MFSD11: variants seen among roughly 807,000 people sequenced by gnomAD.
MFSD11 encodes the protein UNC93-like protein MFSD11.
A neutral mutation model predicts 53.5 loss-of-function variants in MFSD11; 36 were observed. The ratio of observed to expected loss-of-function variants is 0.67; its 90% CI spans 0.52 to 0.89. The LOEUF is 0.89. MFSD11 is among the 40% of genes least tolerant of loss of function. MFSD11 has a pLI of 0.00. For synonymous variants in MFSD11, 186 were observed against 184.9 expected (o/e 1.01, Z -0.05); for missense variants, 530 against 543.9 (o/e 0.97, Z 0.25).
chr17:76,770,809 C>A (rs1034512495), intron 10 of MFSD11, among the ~76,000 whole-genome samples: 4 of 152,152 alleles, frequency 2.6e-5, no homozygotes, highest in African/African-American at 9.7e-5. Context: ...GAAAGGGTCC[C>A]TAAGTGCAGG....
At chr17:76,767,762 T>G (rs1464034854) in intron 9 of MFSD11, among the ~76,000 whole-genome samples, 2 of 152,084 alleles carry the variant, frequency 1.3e-5, no homozygotes, top group Non-Finnish European at 2.9e-5. Flanking sequence ...GACTGATGGC[T>G]CCAAAAAAGG....
the MFSD11 span, among the ~76,000 whole-genome samples, chr17:76,803,561 T>C: frequency 6.6e-6 from 1 of 152,132 alleles, no homozygotes; most frequent in Admixed American, 6.6e-5. Flanking sequence ...ACTCGATGGA[T>C]CATCTGGCAC....
chr17:76,744,139 C>T (rs1401474555), intron 6 of MFSD11, among the ~76,000 whole-genome samples, 183 bp from the exon 7 acceptor site: 1 of 152,166 alleles, frequency 6.6e-6, no homozygotes, highest in African/African-American at 2.4e-5. Context: ...ATTCATATTT[C>T]TCTAACTGAA....
chr17:76,786,614 A>G, the MFSD11 span, among the ~76,000 whole-genome samples: 1 of 152,304 alleles, frequency 6.6e-6, no homozygotes, highest in African/African-American at 2.4e-5. Flanking sequence ...GAGGAGTCAC[A>G]CAGAACACAC....
intron 9 of MFSD11, among the ~76,000 whole-genome samples, chr17:76,768,586 T>G (rs2081087057): frequency 6.6e-6 from 1 of 152,208 alleles, no homozygotes; most frequent in South Asian, 2.1e-4. Flanking sequence ...AATTTTTTAA[T>G]CTTTGGAATT....
downstream of MFSD11, among the ~76,000 whole-genome samples, chr17:76,780,779 G>A (rs1859603899): frequency 6.6e-6 from 1 of 152,310 alleles, no homozygotes; most frequent in South Asian, 2.1e-4. Context: ...CTCCCAAAGT[G>A]CTGGGATTAC....
downstream of MFSD11, among the ~76,000 whole-genome samples, chr17:76,784,681 G>A (rs537730273): frequency 6.6e-6 from 1 of 152,258 alleles, no homozygotes; most frequent in African/African-American, 2.4e-5. Flanking sequence ...GATCACTTGA[G>A]GTCAGGAGTT....
chr17:76,752,791 T>A (rs2079177101), intron 7 of MFSD11: 1 of 152,210 alleles, frequency 6.6e-6, no homozygotes, highest in South Asian at 2.1e-4. Flanking sequence ...TAGGCATGAA[T>A]CCTTGCCTTG....
intron 8 of MFSD11, among the ~76,000 whole-genome samples, chr17:76,755,700 ATATATATATGTG>A (rs1351806144): frequency 4.2e-4 from 61 of 144,308 alleles, no homozygotes; most frequent in African/African-American, 1.0e-3. Flanking sequence ...AGTTTTTTAC[ATATATATATGTG>A]TATATATATG....
chr17:76,792,537 AG>A, the MFSD11 span, among the ~76,000 whole-genome samples: 319 of 151,444 alleles, frequency 2.1e-3, 8 homozygotes, highest in East Asian at 0.055. Flanking sequence ...GAGAAAACCA[AG>A]GCACAGAGAG....
chr17:76,755,010 G>C (rs1271934197), intron 8 of MFSD11, among the ~76,000 whole-genome samples: 1 of 152,042 alleles, frequency 6.6e-6, no homozygotes, highest in Non-Finnish European at 1.5e-5. Flanking sequence ...TTGAGGTCAG[G>C]AGTTTGAGAC....
intron 10 of MFSD11, among the ~76,000 whole-genome samples, chr17:76,771,225 G>T (rs1271238813): frequency 1.3e-5 from 2 of 152,200 alleles, no homozygotes; most frequent in African/African-American, 4.8e-5. Context: ...TGCCCCCTTA[G>T]CGTAAACTTC....
chr17:76,757,126 A>G (rs1466906790), intron 8 of MFSD11, among the ~76,000 whole-genome samples: 1 of 152,158 alleles, frequency 6.6e-6, no homozygotes, highest in African/African-American at 2.4e-5. Context: ...CTGCTCCATC[A>G]TAGATCCCCC....
chr17:76,780,788 A>G (rs951831180), downstream of MFSD11, among the ~76,000 whole-genome samples: 1 of 152,180 alleles, frequency 6.6e-6, no homozygotes, highest in Non-Finnish European at 1.5e-5. Flanking sequence ...TGCTGGGATT[A>G]CAGGCGTGAG....
rs528328960 is a variant in MFSD11 at position 76,767,692 on chromosome 17, C to T, written c.748+241C>T. The stretch of plus-strand genomic sequence containing the variant: ...GTCTCAGAGCTGCTCTCCATCTCCA[C>T]GACCCCCTCCATAAGATCACCTTGT... On this transcript the variant is annotated intron_variant, in intron 9 of 12. Transcript: ENST00000685175. Among the ~76,000 whole-genome samples the T allele has an allele frequency of 3.9e-5, 6 of 152,020 alleles. No individual in the cohort carries two copies. In the East Asian group the frequency reaches 5.8e-4, roughly 15 times the overall value.
At chr17:76,786,388 C>T (rs1041687515), downstream of MFSD11, among the ~76,000 whole-genome samples, 7 of 152,124 alleles carry the variant, frequency 4.6e-5, no homozygotes, top group Middle Eastern at 3.4e-3. Context: ...GTGATCTGCC[C>T]GCCTCGGCCT....
intron 5 of MFSD11, among the ~76,000 whole-genome samples, chr17:76,743,038 C>G (rs147829547): frequency 2.6e-4 from 40 of 152,318 alleles, no homozygotes; most frequent in African/African-American, 9.1e-4. Context: ...ATGCAGATAA[C>G]TAAATCATGG....
chr17:76,747,651 C>T (rs8076969), intron 7 of MFSD11, among the ~76,000 whole-genome samples: 33 of 152,228 alleles, frequency 2.2e-4, no homozygotes, highest in African/African-American at 7.7e-4. Context: ...TGTTTTAAAG[C>T]ACAAACCAGT....
chr17:76,763,564 C>T (rs2080502227), intron 8 of MFSD11, among the ~76,000 whole-genome samples: 1 of 151,706 alleles, frequency 6.6e-6, no homozygotes, highest in Admixed American at 6.6e-5. Flanking sequence ...GTGCCCGGCC[C>T]TAGTTAGATC....
Sources: gnomAD v4.1 joint callset for allele counts (sites outside exome capture counted in the v4.1 genomes callset) on GRCh38, gnomAD v4.1.1 for gene constraint, MANE v1.5 for transcripts, NCBI Gene and HGNC (gene_info 2026-07-23, HGNC 2026-07-21) for gene names.